Variants in STARD9 observed in about 807,000 individuals in gnomAD.
The protein encoded by STARD9 is stAR-related lipid transfer protein 9.
In STARD9, 346 loss-of-function variants were observed where a neutral mutation model predicts 399.8. The ratio of observed to expected loss-of-function variants is 0.87; its 90% CI spans 0.79 to 0.95. The LOEUF is 0.95. Among genes scored for constraint, STARD9 ranks in the 40% least tolerant of loss-of-function variants. The pLI, the probability that STARD9 is intolerant of heterozygous loss-of-function variation, is 0.00. For synonymous variants in STARD9, 2,203 were observed against 2,143.5 expected, an observed-to-expected ratio of 1.03 and a Z score of -0.77; for missense variants, 5,832 against 5,667.5, an observed-to-expected ratio of 1.03 and a Z score of -0.93.
intron 3 of STARD9, among the ~76,000 whole-genome samples, chr15:42,621,702 T>C (rs2141854866): frequency 6.6e-6 from 1 of 152,356 alleles, no homozygotes; most frequent in East Asian, 1.9e-4. Flanking sequence ...GTTTATACAT[T>C]TAGTTAGGTT....
At chr15:42,675,768 A>G (rs1458078564) in intron 19 of STARD9, 22 bp downstream of exon 19, 5 of 1,535,928 alleles carry the variant, frequency 3.3e-6, no homozygotes, top group Non-Finnish European at 4.4e-6. Flanking sequence ...TGTGTTTTCT[A>G]GGTTATTGCT....
chr15:42,585,701 T>G, intron 3 of STARD9, 64 bp downstream of exon 3: 1 of 1,059,440 alleles, frequency 9.4e-7, no homozygotes, highest in Admixed American at 2.1e-5. Flanking sequence ...TTTAAGATGT[T>G]TATTATAAAG....
At chr15:42,578,251 T>C (rs979615384) in intron 1 of STARD9, among the ~76,000 whole-genome samples, 1 of 152,018 alleles carries the variant, frequency 6.6e-6, no homozygotes, top group African/African-American at 2.4e-5. Context: ...ACTGGGATTA[T>C]AGGCGCCTGC....
intron 3 of STARD9, among the ~76,000 whole-genome samples, chr15:42,591,169 A>G (rs1157138668): frequency 1.3e-5 from 2 of 152,204 alleles, no homozygotes; most frequent in Non-Finnish European, 2.9e-5. Flanking sequence ...TGATGCCAGT[A>G]GCAATCCCCC....
intron 21 of STARD9, among the ~76,000 whole-genome samples, 175 bp from the exon 22 acceptor site, chr15:42,681,929 C>T (rs778815611): frequency 6.6e-6 from 1 of 152,132 alleles, no homozygotes; most frequent in Non-Finnish European, 1.5e-5. Flanking sequence ...GGTCTTCATT[C>T]CCTTACCTTG....
chr15:42,589,952 CT>C (rs961377203), intron 3 of STARD9, among the ~76,000 whole-genome samples: 2,409 of 91,996 alleles, frequency 0.026, 14 homozygotes, highest in African/African-American at 0.058. Context: ...AACCTTGATT[CT>C]TTTTTTTTTT....
intron 3 of STARD9, among the ~76,000 whole-genome samples, chr15:42,629,178 C>G (rs2059282569): frequency 1.3e-5 from 2 of 152,100 alleles, no homozygotes; most frequent in Admixed American, 6.6e-5. Flanking sequence ...CACCACTACA[C>G]CCTGCTAATT....
Position 42,688,021 on chromosome 15 carries a change from C to A in STARD9, c.6443C>A (p.Thr2148Asn). 6.5e-7 allele frequency: 1 copy of A among 1,537,508 alleles called. No individual in the cohort carries two copies. The highest frequency in any genetic ancestry group is 8.7e-7 in the Non-Finnish European group (1 of 1,146,966). ...IGNHPQVQKI[T>N]PNPFRSREGV... Reference sequence around the variant, plus strand: ...AACCATCCCCAGGTCCAGAAAATCACCCCAAACCCCTTCAGGTCAAGGGAA... The same window carrying A: ...AACCATCCCCAGGTCCAGAAAATCAACCCAAACCCCTTCAGGTCAAGGGAA... Residue 2148 changes from threonine (T) to asparagine (N), a missense_variant, in exon 23 of 33, where the codon ACC becomes AAC. Thr to Asn is a moderately conservative substitution (Grantham distance 65). Transcript: ENST00000290607.
At position 42,687,713 on chromosome 15, in the gene STARD9, T is replaced by C. The variant is rs1566939529; in HGVS notation, c.6135T>C (p.Asp2045=). Residue 2045 remains aspartate, a synonymous_variant, in exon 23 of 33, where the codon GAT becomes GAC. Coordinates refer to ENST00000290607, the MANE Select transcript of STARD9 (RefSeq NM_020759.3). The part of the protein sequence containing the change: ...KKQNKRVNNT[D]EMARLIRSVM... ...AGAATAAAAGAGTTAATAATACTGA[T>C]GAAATGGCTAGGCTAATTAGGAGTG... The C allele has an allele frequency of 6.5e-7, 1 of 1,537,492 alleles. No homozygotes were observed.
In STARD9 at chr15:42,689,667, A is replaced by C. The variant is rs2060643721; in HGVS notation, c.8089A>C (p.Ser2697Arg). Reference sequence around the variant, plus strand: ...AAGTGAACCATTTATATGTCACTCTAGTTCTTCTGAAATCATAGAGAAAAA... The same window carrying C: ...AAGTGAACCATTTATATGTCACTCTCGTTCTTCTGAAATCATAGAGAAAAA... ...GASEPFICHS[S>R]SSEIIEKKKD... The change falls in exon 23 of 33, where the codon AGT becomes CGT. Residue 2697 changes from serine to arginine, a missense_variant. Coordinates refer to ENST00000290607, the MANE Select transcript of STARD9 (RefSeq NM_020759.3). 5.9e-6 allele frequency: 9 copies of C among 1,537,768 alleles called. No individual in the cohort carries two copies. Among genetic ancestry groups the C allele is most frequent in the Non-Finnish European group, 7.8e-6 (9 of 1,147,018 alleles).
At position 42,686,104 on chromosome 15, in the gene STARD9, C is replaced by G. The variant is rs2060549497; in HGVS notation, c.4526C>G (p.Ala1509Gly). 1 of 1,537,124 alleles carries G rather than the reference C, an allele frequency of 6.5e-7. No homozygotes were observed. The change falls in exon 23 of 33, where the codon GCT becomes GGT. Residue 1509 changes from alanine (A) to glycine (G), a missense_variant. Physicochemically the swap from Ala to Gly is moderately conservative, Grantham distance 60. Coordinates refer to ENST00000290607, the MANE Select transcript of STARD9 (RefSeq NM_020759.3). ...VLEAIGAPKP[A>G]YPYLEEDSGS... is the part of the protein sequence containing the mutation. ...GAGGCCATAGGAGCACCCAAGCCAG[C>G]TTACCCCTACCTTGAGGAAGACTCT... is the stretch of plus-strand genomic sequence containing the variant.
chr15:42,663,045 G>A (rs1463120804), intron 11 of STARD9, 154 bp downstream of exon 11: 7 of 714,350 alleles, frequency 9.8e-6, no homozygotes, highest in Non-Finnish European at 6.8e-6. Flanking sequence ...TGGTTTTAGA[G>A]TAGAATGCTG....
chr15:42,651,096 T>G lies in STARD9; in HGVS notation c.629+11T>G. 6.6e-7 allele frequency: 1 copy of G among 1,521,518 alleles called. No individual in the cohort carries two copies. Among genetic ancestry groups the G allele is most frequent in the Non-Finnish European group, 8.8e-7 (1 of 1,133,696 alleles). 94.3% of individuals were successfully genotyped at this position (1,521,518 alleles called of 1,614,324 possible). A position where few individuals can be genotyped will look rare whatever the true frequency, so the allele number is the denominator to read the frequency against. On this transcript the variant is annotated intron_variant, in intron 8 of 32. Transcript: ENST00000290607. ...GGGAATTGCAAACAGGTAACAGGTT[T>G]GTTTGTTTCTGTCATTCTTTTATCC...
chr15:42,630,189 G>A (rs1477791187), intron 3 of STARD9: 1 of 151,810 alleles, frequency 6.6e-6, no homozygotes, highest in Admixed American at 6.6e-5. Context: ...ATTTTTAGTA[G>A]AGACCAGGTT....
rs1258126455 is a variant in STARD9 at position 42,684,342 on chromosome 15, C to T, written c.2764C>T (p.Leu922Phe). 6.5e-7 allele frequency: 1 copy of T among 1,536,384 alleles called. No individual in the cohort carries two copies. The highest frequency in any genetic ancestry group is 8.7e-7 in the Non-Finnish European group (1 of 1,146,368). The change falls in exon 23 of 33, where the codon CTC becomes TTC. Residue 922 changes from leucine (L) to phenylalanine (F), a missense_variant. By Grantham distance (22) the Leu-to-Phe change is conservative. Transcript: ENST00000290607. ...RKGASAPDAC[L>F]TMSPNSVGIQ... Reference sequence around the variant, plus strand: ...GGGAGCCTCAGCTCCAGACGCTTGCCTCACCATGAGTCCCAACTCTGTTGG... The same window carrying T: ...GGGAGCCTCAGCTCCAGACGCTTGCTTCACCATGAGTCCCAACTCTGTTGG...
chr15:42,634,655 C>T lies in STARD9; in HGVS notation c.235-201C>T, dbSNP rs1354977408. Among the ~76,000 whole-genome samples, 11 of 152,306 alleles carry T rather than the reference C, an allele frequency of 7.2e-5. No homozygotes were observed. In the East Asian group the frequency reaches 2.1e-3, roughly 29 times the overall value. ...GTATTGTGTCTAGATACACTAGGCACTTAAAAAATTTGACCGGCTGAATGA... is the reference window on the plus strand; with the variant it reads ...GTATTGTGTCTAGATACACTAGGCATTTAAAAAATTTGACCGGCTGAATGA... On this transcript the variant is annotated intron_variant, in intron 3 of 32. Transcript: ENST00000290607.
rs373603838 is a variant in STARD9 at position 42,718,882 on chromosome 15, A to T, written c.13973A>T (p.Glu4658Val). 6.5e-7 allele frequency: 1 copy of T among 1,537,194 alleles called. No homozygotes were observed. Among genetic ancestry groups the T allele is most frequent in the Admixed American group, 2.0e-5 (1 of 50,992 alleles). ...CAGCCCATCACTGTGGAAGGGAAGG[A>T]AGTCACCAGAGTCATCTACTTGGCC... ...ILQPITVEGK[E>V]VTRVIYLAQV... Residue 4658 changes from glutamate (E) to valine (V), a missense_variant, in exon 32 of 33, where the codon GAA (glutamate) becomes GTA (valine). Glu to Val is a moderately radical substitution (Grantham distance 121). Coordinates refer to ENST00000290607, the MANE Select transcript of STARD9 (RefSeq NM_020759.3).
intron 3 of STARD9, among the ~76,000 whole-genome samples, chr15:42,605,769 G>T (rs900747228): frequency 1.3e-5 from 2 of 152,162 alleles, no homozygotes; most frequent in African/African-American, 4.8e-5. Context: ...TCATGGTTCT[G>T]CTGAGATGAG....
intron 20 of STARD9, among the ~76,000 whole-genome samples, chr15:42,678,843 A>G (rs1011568046): frequency 2.0e-5 from 3 of 152,140 alleles, no homozygotes; most frequent in Non-Finnish European, 2.9e-5. Flanking sequence ...TAAGGTTGCT[A>G]TTTTCTTTTT....
Sources: allele counts gnomAD v4.1 joint callset (sites outside exome capture counted in the v4.1 genomes callset), GRCh38; gene constraint gnomAD v4.1.1; transcripts MANE v1.5; gene names NCBI Gene and HGNC (gene_info 2026-07-23, HGNC 2026-07-21).